SPINK6: variants seen among roughly 807,000 people sequenced by gnomAD.
SPINK6 encodes serine protease inhibitor Kazal-type 6.
In SPINK6, 13 loss-of-function variants were observed where a neutral mutation model predicts 11.7. The observed-to-expected ratio is 1.11, with a 90% CI of 0.72 to 1.76. The LOEUF is 1.76. Among genes scored for constraint, SPINK6 ranks in the 40% most tolerant of loss-of-function variants. SPINK6 has a pLI of 0.00. For synonymous variants in SPINK6, 21 were observed against 31.9 expected (o/e 0.66, Z 1.15); for missense variants, 98 against 93.7 (o/e 1.05, Z -0.19).
At chr5:148,212,476 T>C (rs1026189070) in intron 2 of SPINK6, among the ~76,000 whole-genome samples, 2 of 26,418 alleles carry the variant, frequency 7.6e-5, no homozygotes, top group South Asian at 3.2e-3. Context: ...AAAATACATA[T>C]TTTTTATATA....
rs1430354422 is a variant in SPINK6, at chr5:148,203,109, G to C, written c.13G>C (p.Gly5Arg). 1 of 1,611,254 alleles carries C rather than the reference G, an allele frequency of 6.2e-7. No individual in the cohort carries two copies. Among genetic ancestry groups the C allele is most frequent in the African/African-American group, 1.3e-5 (1 of 74,772 alleles). Residue 5 changes from glycine (G) to arginine (R), a missense_variant, in exon 1 of 4, where the codon GGC becomes CGC. Gly to Arg is a moderately radical substitution (Grantham distance 125, BLOSUM62 -2). Coordinates refer to ENST00000325630, the MANE Select transcript of SPINK6 (RefSeq NM_205841.4). ...GCTAACTGACACAATGAAACTGTCAGGCATGTTTCTGCTCCTCTCTCTGGC... is the reference window on the plus strand; with the variant it reads ...GCTAACTGACACAATGAAACTGTCACGCATGTTTCTGCTCCTCTCTCTGGC... MKLS[G>R]MFLLLSLALF...
intron 2 of SPINK6, among the ~76,000 whole-genome samples, chr5:148,209,912 A>C (rs1755547757): frequency 7.1e-6 from 1 of 141,570 alleles, no homozygotes; most frequent in African/African-American, 2.8e-5. Context: ...TTTGCACATA[A>C]ATGTCTTAAG....
chr5:148,212,001 T>C (rs573538514), intron 2 of SPINK6, among the ~76,000 whole-genome samples: 1 of 152,278 alleles, frequency 6.6e-6, no homozygotes, highest in East Asian at 1.9e-4. Flanking sequence ...TCCACACAGA[T>C]ATATTTGGAG....
At chr5:148,207,995 C>T (rs545058424) in intron 2 of SPINK6, among the ~76,000 whole-genome samples, 60 of 152,162 alleles carry the variant, frequency 3.9e-4, no homozygotes, top group Middle Eastern at 3.4e-3. Context: ...ATCCAGATGA[C>T]ATTTATACAT....
intron 2 of SPINK6, among the ~76,000 whole-genome samples, chr5:148,207,611 A>G (rs1359739068): frequency 6.6e-6 from 1 of 152,056 alleles, no homozygotes; most frequent in Admixed American, 6.6e-5. Context: ...TGGGCAGATC[A>G]CCTGAGGCCA....
At chr5:148,207,376 T>C (rs747989844) in intron 2 of SPINK6, among the ~76,000 whole-genome samples, 8 of 152,196 alleles carry the variant, frequency 5.3e-5, no homozygotes, top group African/African-American at 1.9e-4. Flanking sequence ...ACAGAGGTTT[T>C]ATTGCATTTG....
chr5:148,205,358 T>C (rs1017405660), intron 1 of SPINK6, among the ~76,000 whole-genome samples: 10 of 152,252 alleles, frequency 6.6e-5, no homozygotes, highest in Admixed American at 4.6e-4. Context: ...TTTAAACCAC[T>C]GAACTAATTA....
chr5:148,212,480 T>TTATATATATA (rs201941959), intron 2 of SPINK6, among the ~76,000 whole-genome samples: 2 of 97,008 alleles, frequency 2.1e-5, no homozygotes, highest in African/African-American at 7.1e-5. Flanking sequence ...TACATATTTT[T>TTATATATATA]TATATATATA....
chr5:148,206,691 T>C (rs12515832), intron 2 of SPINK6, among the ~76,000 whole-genome samples: 4,135 of 152,314 alleles, frequency 0.027, 95 homozygotes, highest in Non-Finnish European at 0.036. Flanking sequence ...GATTTTTTTT[T>C]CCTCCAAATT....
chr5:148,213,774 C>G, intron 2 of SPINK6, 136 bp from the exon 3 acceptor site: 3 of 585,064 alleles, frequency 5.1e-6, no homozygotes, highest in Non-Finnish European at 9.3e-6. Context: ...ATAAGGAGAG[C>G]TATTTTATAT....
intron 2 of SPINK6, among the ~76,000 whole-genome samples, chr5:148,210,007 C>CATACACACATCAGTAGGT (rs1554112271): frequency 9.5e-6 from 1 of 105,730 alleles, no homozygotes. Context: ...CGTATGTATA[C>CATACACACATCAGTAGGT]ATGTATGTAC....
Position 148,206,051 on chromosome 5 carries a change from G to A in SPINK6, c.74G>A (p.Gly25Glu). The A allele has an allele frequency of 6.2e-7, 1 of 1,614,018 alleles. No homozygotes were observed. The highest frequency in any genetic ancestry group is 8.5e-7 in the Non-Finnish European group (1 of 1,179,976). The change falls in exon 2 of 4, where the codon GGA becomes GAA. Residue 25 changes from glycine (G) to glutamate (E), a missense_variant. By Grantham distance (98) the Gly-to-Glu change is moderately conservative (BLOSUM62 -2). Transcript: ENST00000325630. Reference protein sequence around the residue: ...FCFLTGVFSQGGQVDCGEFQD... With the variant: ...FCFLTGVFSQEGQVDCGEFQD... The stretch of plus-strand genomic sequence containing the variant: ...TTTCTTTCAGGTGTCTTCAGTCAGG[G>A]AGGACAGGTCAGTGCCTATTTTTAT...
At chr5:148,214,462 G>T (rs966151527) in intron 3 of SPINK6, among the ~76,000 whole-genome samples, 1 of 152,202 alleles carries the variant, frequency 6.6e-6, no homozygotes, top group Non-Finnish European at 1.5e-5. Flanking sequence ...AGTCAGTGGT[G>T]TAATATGAGA....
At position 148,214,421 on chromosome 5, in the gene SPINK6, A is replaced by C. The variant is rs554764964; in HGVS notation, c.197+396A>C. Among the ~76,000 whole-genome samples, 5 of 152,340 alleles carry C rather than the reference A, an allele frequency of 3.3e-5. No homozygotes were observed. In the South Asian group the frequency reaches 1.0e-3, roughly 32 times the overall value. ...TCTACACTTATATATAACACATCTGACTAATTAATACCAAACTTTTCTCAG... is the reference window on the plus strand; with the variant it reads ...TCTACACTTATATATAACACATCTGCCTAATTAATACCAAACTTTTCTCAG... On this transcript the variant is annotated intron_variant, in intron 3 of 3. Coordinates refer to ENST00000325630, the MANE Select transcript of SPINK6 (RefSeq NM_205841.4).
At chr5:148,205,435 T>C (rs1209174934) in intron 1 of SPINK6, among the ~76,000 whole-genome samples, 1 of 152,148 alleles carries the variant, frequency 6.6e-6, no homozygotes, top group Non-Finnish European at 1.5e-5. Context: ...CAAGACTATA[T>C]ATATGGGATC....
chr5:148,207,424 GC>G (rs1755513879), intron 2 of SPINK6, among the ~76,000 whole-genome samples: 3 of 152,094 alleles, frequency 2.0e-5, no homozygotes, highest in African/African-American at 7.2e-5. Context: ...ATGGAGCAGG[GC>G]CCCTGGGTGG....
chr5:148,209,969 T>TACGTATGCATGTATACATACAC (rs1561732069), intron 2 of SPINK6, among the ~76,000 whole-genome samples: 2 of 126,610 alleles, frequency 1.6e-5, no homozygotes, highest in Admixed American at 7.8e-5. Flanking sequence ...TATACATACA[T>TACGTATGCATGTATACATACAC]ACGTACGTAT....
intron 3 of SPINK6, among the ~76,000 whole-genome samples, chr5:148,214,423 T>A (rs572908849): frequency 6.6e-6 from 1 of 152,344 alleles, no homozygotes; most frequent in South Asian, 2.1e-4. Flanking sequence ...CACATCTGAC[T>A]AATTAATACC....
At chr5:148,203,738 CAT>C (rs1421026781) in intron 1 of SPINK6, among the ~76,000 whole-genome samples, 2 of 152,198 alleles carry the variant, frequency 1.3e-5, no homozygotes, top group Admixed American at 6.5e-5. Flanking sequence ...AATGCAGAAA[CAT>C]ATGTTTCTGG....
Sources: allele counts gnomAD v4.1 joint callset (sites outside exome capture counted in the v4.1 genomes callset), GRCh38; gene constraint gnomAD v4.1.1; transcripts MANE v1.5; gene names NCBI Gene and HGNC (gene_info 2026-07-23, HGNC 2026-07-21).